ZNF676: variants seen among roughly 807,000 people sequenced by gnomAD.
ZNF676 encodes the protein zinc finger protein 676.
In ZNF676, 4 loss-of-function variants were observed where a neutral mutation model predicts 6.0. That is an observed-to-expected ratio of 0.67 (90% CI 0.33 to 1.53). The LOEUF (loss-of-function observed/expected upper bound fraction) is 1.53. Among genes scored for constraint, ZNF676 ranks in the 40% most tolerant of loss-of-function variants. The pLI is 0.06. For missense variants in ZNF676, 644 were observed against 679.7 expected, an observed-to-expected ratio of 0.95 and a Z score of 0.58; for synonymous variants, 198 against 223.1, an observed-to-expected ratio of 0.89 and a Z score of 1.00.
chr19:22,192,871 G>A (rs1379718466), intron 2 of ZNF676, 145 bp downstream of exon 2: 1 of 857,852 alleles, frequency 1.2e-6, no homozygotes, highest in Non-Finnish European at 1.7e-6. Context: ...GCCCCTGTGT[G>A]AGAGAAAATT....
At chr19:22,231,089 A>G in the ZNF676 span, among the ~76,000 whole-genome samples, 1 of 152,202 alleles carries the variant, frequency 6.6e-6, no homozygotes, top group Non-Finnish European at 1.5e-5. Context: ...TTTAGAAAAC[A>G]ATGAAAATTT....
intron 1 of ZNF676, among the ~76,000 whole-genome samples, chr19:22,205,382 C>T (rs2144803282): frequency 6.6e-6 from 1 of 152,184 alleles, no homozygotes; most frequent in African/African-American, 2.4e-5. Flanking sequence ...ATGGCACATA[C>T]TCTAAAATTG....
rs778589612 is a variant in ZNF676, at chr19:22,180,458, G to A, written c.1259C>T (p.Pro420Leu). 2.5e-6 allele frequency: 4 copies of A among 1,612,130 alleles called. No individual in the cohort carries two copies. The highest frequency in any genetic ancestry group is 3.4e-6 in the Non-Finnish European group (4 of 1,179,706). Residue 420 changes from proline to leucine, a missense_variant, in exon 3 of 3, where the codon CCC becomes CTC. Physicochemically the swap from Pro to Leu is moderately conservative, Grantham distance 98. Coordinates refer to ENST00000397121, the MANE Select transcript of ZNF676 (RefSeq NM_001001411.3). ...EHKRIHTGEK[P>L]YKCEECGKAF... ...TTTGCCACATTCTTCACACTTGTAG[G>A]GTTTCTCTCCAGTATGAATTCTCTT...
the ZNF676 span, among the ~76,000 whole-genome samples, chr19:22,239,864 C>T: frequency 6.6e-6 from 1 of 152,202 alleles, no homozygotes; most frequent in Non-Finnish European, 1.5e-5. Context: ...AGGAGAGTCA[C>T]ATCACCCAGA....
intron 2 of ZNF676, among the ~76,000 whole-genome samples, chr19:22,186,540 C>T (rs2023842802): frequency 1.3e-5 from 2 of 152,138 alleles, no homozygotes; most frequent in Non-Finnish European, 2.9e-5. Flanking sequence ...CAATATTAAC[C>T]TTAAATGTAA....
Position 22,181,044 on chromosome 19 carries a change from A to G in ZNF676, c.673T>C (p.Tyr225His), listed in dbSNP as rs199880241. 251 of 1,570,746 alleles carry G rather than the reference A, an allele frequency of 1.6e-4. 1 individual carries two copies. In the African/African-American group the frequency reaches 3.0e-3, roughly 19 times the overall value. ...GCTTTGCCACATTCTTCACATTTGT[A>G]GGGTTTCTCTCCAGTATGAATTACC... ...HKVIHTGEKP[Y>H]KCEECGKAFN... is the part of the protein sequence containing the mutation. Residue 225 changes from tyrosine to histidine, a missense_variant, in exon 3 of 3, where the codon TAC becomes CAC. Around this residue, in one of 5 missense-constraint regions of ZNF676, gnomAD observed 280 missense variants for 269.3 expected, o/e 1.04. Coordinates refer to ENST00000397121, the MANE Select transcript of ZNF676 (RefSeq NM_001001411.3).
In ZNF676 at chr19:22,179,526, C is replaced by T. The variant is rs1242295860; in HGVS notation, c.*424G>A. On this transcript the variant is annotated 3_prime_UTR_variant, in exon 3 of 3. Transcript: ENST00000397121. Reference sequence around the variant, plus strand: ...GCTAAAAGGCTTGCCACATTCTTCACATTTGTAGGGTTTCCCTCCTGTATA... The same window carrying T: ...GCTAAAAGGCTTGCCACATTCTTCATATTTGTAGGGTTTCCCTCCTGTATA... 1 of 435,990 alleles carries T rather than the reference C, an allele frequency of 2.3e-6. No individual in the cohort carries two copies. The highest frequency in any genetic ancestry group is 4.5e-6 in the Non-Finnish European group (1 of 223,016). 27.0% of individuals were successfully genotyped at this position (435,990 alleles called of 1,614,324 possible).
intron 1 of ZNF676, among the ~76,000 whole-genome samples, chr19:22,209,633 C>T (rs1164864757): frequency 1.3e-5 from 2 of 152,056 alleles, no homozygotes; most frequent in African/African-American, 4.8e-5. Flanking sequence ...ACATGTACCC[C>T]TGAACCACCC....
Position 22,180,182 on chromosome 19 carries a change from T to G in ZNF676, c.1535A>C (p.Lys512Thr). ...EKRYKCEECG[K>T]AFSWSSILTE... ...AAGGATCGAGGACCAGCTGAAGGCT[T>G]TGCCACATTCTTCACATTTGTAGCG... The change falls in exon 3 of 3, where the codon AAA becomes ACA. Residue 512 changes from lysine to threonine, a missense_variant. Physicochemically the swap from Lys to Thr is moderately conservative, Grantham distance 78. Coordinates refer to ENST00000397121, the MANE Select transcript of ZNF676 (RefSeq NM_001001411.3). The G allele has an allele frequency of 1.9e-6, 3 of 1,613,590 alleles. No homozygotes were observed. The highest frequency in any genetic ancestry group is 1.7e-6 in the Non-Finnish European group (2 of 1,179,852).
the ZNF676 span, among the ~76,000 whole-genome samples, chr19:22,251,697 A>T: frequency 5.9e-5 from 9 of 151,872 alleles, no homozygotes; most frequent in Admixed American, 1.3e-4. Flanking sequence ...CTAAGGCAGG[A>T]GAATCACTTG....
chr19:22,192,870 T>A (rs1291201042), intron 2 of ZNF676, 146 bp downstream of exon 2: 2 of 849,122 alleles, frequency 2.4e-6, no homozygotes, highest in East Asian at 6.1e-5. Flanking sequence ...TGCCCCTGTG[T>A]GAGAGAAAAT....
chr19:22,230,051 A>G, the ZNF676 span, among the ~76,000 whole-genome samples: 5 of 152,208 alleles, frequency 3.3e-5, no homozygotes, highest in African/African-American at 1.2e-4. Context: ...ATGCACACGT[A>G]TGTTTGTTGC....
At position 22,181,489 on chromosome 19, in the gene ZNF676, A is replaced by C. The variant is rs780231511; in HGVS notation, c.228T>G (p.His76Gln). 3.7e-6 allele frequency: 6 copies of C among 1,613,538 alleles called. No individual in the cohort carries two copies. Among genetic ancestry groups the C allele is most frequent in the Non-Finnish European group, 1.7e-6 (2 of 1,179,752 alleles). ...MILRRYDKCG[H>Q]ENLHLKISCT... The stretch of plus-strand genomic sequence containing the variant: ...AACTAATTTTTAAGTGTAAATTCTC[A>C]TGTCCACATTTGTCATATCTTCTCA... The change falls in exon 3 of 3, where the codon CAT becomes CAG. Residue 76 changes from histidine to glutamine, a missense_variant. Physicochemically the swap from His to Gln is conservative, Grantham distance 24. Transcript: ENST00000397121.
chr19:22,190,630 CATATATATATATATATATATATAT>C (rs74174059), intron 2 of ZNF676, among the ~76,000 whole-genome samples: 3 of 66,792 alleles, frequency 4.5e-5, no homozygotes, highest in Admixed American at 2.2e-4. Context: ...TAGAATGCAA[CATATATATATATATATATATATAT>C]ATATATATAT....
chr19:22,193,016 C>G lies in ZNF676; in HGVS notation c.130G>C (p.Val44Leu). The G allele has an allele frequency of 6.2e-7, 1 of 1,604,964 alleles. No homozygotes were observed. Among genetic ancestry groups the G allele is most frequent in the Non-Finnish European group, 8.5e-7 (1 of 1,176,476 alleles). The change falls in exon 2 of 3, where the codon GTT becomes CTT. Residue 44 changes from valine to leucine, a missense_variant and splice_region_variant. Around this residue, in one of 5 missense-constraint regions of ZNF676, gnomAD observed 280 missense variants for 269.3 expected, o/e 1.04. Transcript: ENST00000397121. ...KRHEMVEEPP[V>L]ICSHFSQEFW... ...GTTGTCTGTATTCACTCTCACCTAC[C>G]TGGGGGTTCTTCCACCATCTCATGT...
intron 2 of ZNF676, among the ~76,000 whole-genome samples, chr19:22,191,655 G>A (rs2023908481): frequency 6.6e-6 from 1 of 152,102 alleles, no homozygotes; most frequent in African/African-American, 2.4e-5. Context: ...ACCTGCCCTA[G>A]CGTCTACCCT....
upstream of ZNF676, among the ~76,000 whole-genome samples, chr19:22,197,125 C>T (rs552873510): frequency 6.6e-6 from 1 of 151,954 alleles, no homozygotes; most frequent in African/African-American, 2.4e-5. Context: ...GAGTTCGAGA[C>T]CAGCCTGACC....
At chr19:22,214,757 A>T (rs929350885) in intron 1 of ZNF676, among the ~76,000 whole-genome samples, 2 of 150,910 alleles carry the variant, frequency 1.3e-5, no homozygotes, top group African/African-American at 4.9e-5. Flanking sequence ...AGAAACCATG[A>T]GGCTGGGCGC....
chr19:22,254,402 C>T, the ZNF676 span, among the ~76,000 whole-genome samples: 2 of 152,146 alleles, frequency 1.3e-5, no homozygotes, highest in Admixed American at 6.5e-5. Flanking sequence ...GAGGAAGAGA[C>T]ATCTTACAAG....
Sources: gnomAD v4.1 joint callset for allele counts (sites outside exome capture counted in the v4.1 genomes callset) on GRCh38, gnomAD v4.1.1 for gene constraint, gnomAD v4.1.1 regional missense constraint, MANE v1.5 for transcripts, NCBI Gene and HGNC (gene_info 2026-07-23, HGNC 2026-07-21) for gene names.